The following RASGEF1A variants were observed in gnomAD, a reference collection of about 807,000 sequenced individuals.
The protein encoded by RASGEF1A is ras-GEF domain-containing family member 1A.
In RASGEF1A, 18 loss-of-function variants were observed where a neutral mutation model predicts 56.4. That is an observed-to-expected ratio of 0.32 (90% CI 0.22 to 0.47). The LOEUF is 0.47. Ranked by LOEUF, RASGEF1A falls within the 20% of genes least tolerant of loss-of-function variation. The probability of loss-of-function intolerance (pLI) is 1.00; values close to 1 mark genes in which losing one functional copy is unlikely to be tolerated. For missense variants in RASGEF1A, 422 were observed against 627.1 expected (o/e 0.67, Z 3.49); for synonymous variants, 245 against 242.6 (o/e 1.01, Z -0.09).
chr10:43,234,378 C>T (rs1840406741), intron 1 of RASGEF1A, among the ~76,000 whole-genome samples: 1 of 152,086 alleles, frequency 6.6e-6, no homozygotes, highest in South Asian at 2.1e-4. Flanking sequence ...AGAGTTGGGG[C>T]AAACCCTGCT....
intron 1 of RASGEF1A, among the ~76,000 whole-genome samples, chr10:43,251,254 G>A (rs2460554): frequency 0.27 from 40,668 of 152,060 alleles, 5,766 homozygotes; most frequent in Non-Finnish European, 0.31. Context: ...AGCGGCAGCC[G>A]CCTGGGGCCC....
chr10:43,235,345 G>A (rs1303694356), intron 1 of RASGEF1A, among the ~76,000 whole-genome samples: 16 of 152,192 alleles, frequency 1.1e-4, no homozygotes, highest in Admixed American at 1.0e-3. Context: ...ATACCATGGT[G>A]TATTTAGCCC....
intron 1 of RASGEF1A, among the ~76,000 whole-genome samples, chr10:43,214,201 C>A (rs1840104542): frequency 6.6e-6 from 1 of 152,216 alleles, no homozygotes; most frequent in Non-Finnish European, 1.5e-5. Context: ...TGAGCCCAAG[C>A]CTGTGGCCTC....
At chr10:43,250,656 C>T (rs1840618315) in intron 1 of RASGEF1A, among the ~76,000 whole-genome samples, 1 of 152,028 alleles carries the variant, frequency 6.6e-6, no homozygotes, top group South Asian at 2.1e-4. Context: ...GGGGGTCAGG[C>T]ACCCTAGAGG....
chr10:43,257,926 G>A (rs1274138102), intron 1 of RASGEF1A, among the ~76,000 whole-genome samples: 2 of 152,242 alleles, frequency 1.3e-5, no homozygotes, highest in African/African-American at 4.8e-5. Flanking sequence ...GCTGCAGCCT[G>A]GAGAGGACAG....
At chr10:43,214,071 G>T (rs542388501) in intron 1 of RASGEF1A, among the ~76,000 whole-genome samples, 1 of 152,330 alleles carries the variant, frequency 6.6e-6, no homozygotes, top group Admixed American at 6.5e-5. Flanking sequence ...CACCTTTCCT[G>T]AGCTGGTGCA....
Position 43,229,742 on chromosome 10 carries a change from C to T in RASGEF1A, c.-6-23620G>A, listed in dbSNP as rs947408241. 5.2e-6 allele frequency: 7 copies of T among 1,333,486 alleles called. No individual in the cohort carries two copies. In the African/African-American group the frequency reaches 7.7e-5, roughly 15 times the overall value. 82.6% of individuals were successfully genotyped at this position (1,333,486 alleles called of 1,614,324 possible). Reference sequence around the variant, plus strand: ...TGCCCGCGAGCCAAGCAAGCACCCACTCCTGCGCCGGCCCCTGCCGCTGGA... The same window carrying T: ...TGCCCGCGAGCCAAGCAAGCACCCATTCCTGCGCCGGCCCCTGCCGCTGGA... On this transcript the variant is annotated intron_variant, in intron 1 of 12. Coordinates refer to ENST00000395810, the MANE Select transcript of RASGEF1A (RefSeq NM_145313.4).
At chr10:43,214,058 G>A (rs1840102651) in intron 1 of RASGEF1A, among the ~76,000 whole-genome samples, 2 of 152,210 alleles carry the variant, frequency 1.3e-5, no homozygotes, top group South Asian at 2.1e-4. Context: ...CACACAGTGT[G>A]TACACCTTTC....
At chr10:43,206,822 C>T (rs1249739146) in intron 1 of RASGEF1A, 11 of 985,840 alleles carry the variant, frequency 1.1e-5, no homozygotes, top group African/African-American at 1.7e-5. Context: ...TGAGGCAGGG[C>T]TGTGGGCAGG....
intron 1 of RASGEF1A, among the ~76,000 whole-genome samples, chr10:43,250,746 A>C (rs1840619240): frequency 6.6e-6 from 1 of 152,216 alleles, no homozygotes; most frequent in Non-Finnish European, 1.5e-5. Context: ...GTCAAATGTC[A>C]AAAGCACATG....
At chr10:43,207,722 G>A in intron 1 of RASGEF1A, 1 of 984,666 alleles carries the variant, frequency 1.0e-6, no homozygotes, top group African/African-American at 1.7e-5. Flanking sequence ...AAGTTAGAAT[G>A]CACATTCTCA....
chr10:43,245,709 A>G (rs1408019481), intron 1 of RASGEF1A, among the ~76,000 whole-genome samples: 1 of 152,170 alleles, frequency 6.6e-6, no homozygotes, highest in Non-Finnish European at 1.5e-5. Flanking sequence ...AAAATCCAAC[A>G]TCCTTTGAAG....
intron 1 of RASGEF1A, among the ~76,000 whole-genome samples, chr10:43,264,539 C>T (rs1836590114): frequency 6.6e-6 from 1 of 151,814 alleles, no homozygotes; most frequent in South Asian, 2.1e-4. Flanking sequence ...GCAGAGGAGC[C>T]GGGAGGCAGG....
intron 1 of RASGEF1A, among the ~76,000 whole-genome samples, chr10:43,238,668 G>A (rs1772731886): frequency 6.6e-6 from 1 of 152,204 alleles, no homozygotes; most frequent in Non-Finnish European, 1.5e-5. Flanking sequence ...GATGGGCAGG[G>A]CCCCTGACTG....
intron 1 of RASGEF1A, among the ~76,000 whole-genome samples, chr10:43,231,099 C>G (rs918408677): frequency 2.6e-5 from 4 of 152,232 alleles, no homozygotes; most frequent in Non-Finnish European, 5.9e-5. Context: ...ACGAGGCAAC[C>G]AGGCAGAAAT....
chr10:43,226,754 A>C (rs1360026752), intron 1 of RASGEF1A, among the ~76,000 whole-genome samples: 1 of 152,244 alleles, frequency 6.6e-6, no homozygotes, highest in Non-Finnish European at 1.5e-5. Flanking sequence ...CAAGAAGTAG[A>C]GAGCCTGTAC....
At chr10:43,229,536 C>T in intron 1 of RASGEF1A, 1 of 1,056,744 alleles carries the variant, frequency 9.5e-7, no homozygotes, top group Non-Finnish European at 1.3e-6. Context: ...GGGCACCCTC[C>T]CGCACGGGTC....
In RASGEF1A at chr10:43,201,815, C is replaced by T. The variant is rs770290985; in HGVS notation, c.452G>A (p.Cys151Tyr). Residue 151 changes from cysteine (C) to tyrosine (Y), a missense_variant, in exon 4 of 13, where the codon TGT (cysteine) becomes TAT (tyrosine). Cys to Tyr is a radical substitution (Grantham distance 194). Transcript: ENST00000395810. ...LKAITHRVTQCDEENGTVKKA... is the reference protein window; with the variant it reads ...LKAITHRVTQYDEENGTVKKA... ...AGCCCAGGGAGCACTCACCTCATCA[C>T]ACTGGGTGACACGGTGTGTGATGGC... 5 of 1,598,312 alleles carry T rather than the reference C, an allele frequency of 3.1e-6. No individual in the cohort carries two copies. Among genetic ancestry groups the T allele is most frequent in the Admixed American group, 1.7e-5 (1 of 59,676 alleles).
intron 4 of RASGEF1A, 84 bp from the exon 5 acceptor site, chr10:43,200,972 A>G (rs1839887940): frequency 1.5e-6 from 2 of 1,300,994 alleles, no homozygotes; most frequent in Non-Finnish European, 1.1e-6. Flanking sequence ...TCTCACCTCC[A>G]GGGATGTGCC....
Sources: gnomAD v4.1 joint callset for allele counts (sites outside exome capture counted in the v4.1 genomes callset) on GRCh38, gnomAD v4.1.1 for gene constraint, MANE v1.5 for transcripts, NCBI Gene and HGNC (gene_info 2026-07-23, HGNC 2026-07-21) for gene names.